The following FSCN2 variants were observed in gnomAD, a reference collection of about 807,000 sequenced individuals.
FSCN2 encodes fascin-2.
In FSCN2, 46 loss-of-function variants were observed where a neutral mutation model predicts 37.8. That is an observed-to-expected ratio of 1.22 (90% CI 0.96 to 1.56). FSCN2 has a LOEUF of 1.56. FSCN2 is among the 40% of genes most tolerant of loss of function. The pLI is 0.00. For synonymous variants in FSCN2, 351 were observed against 309.4 expected (o/e 1.13, Z -1.41); for missense variants, 844 against 730.4 (o/e 1.16, Z -1.79).
At position 81,528,428 on chromosome 17, in the gene FSCN2, G is replaced by C. The variant is rs550145017; in HGVS notation, c.-104G>C. On this transcript the variant is annotated 5_prime_UTR_variant, in exon 1 of 5. Coordinates refer to ENST00000417245, the MANE Select transcript of FSCN2 (RefSeq NM_012418.4). ...TTCGTGACGCCGGCTGGGTCTGGGG[G>C]CTGTGGGCCAGCCGAGCCGACCCGG... The C allele has an allele frequency of 2.4e-6, 2 of 823,192 alleles. No homozygotes were observed. Among genetic ancestry groups the C allele is most frequent in the Non-Finnish European group, 3.8e-6 (2 of 519,846 alleles). 51.0% of individuals were successfully genotyped at this position (823,192 alleles called of 1,614,324 possible).
At chr17:81,536,564 C>T in intron 3 of FSCN2, 58 bp from the exon 4 acceptor site, 2 of 1,596,342 alleles carry the variant, frequency 1.3e-6, no homozygotes, top group Non-Finnish European at 8.5e-7. Context: ...CCCACCCCGC[C>T]CGGCCTGGAC....
intron 3 of FSCN2, 173 bp downstream of exon 3, chr17:81,536,440 G>C: frequency 6.8e-7 from 1 of 1,472,002 alleles, no homozygotes. Flanking sequence ...AGGGAAACAG[G>C]TCTGAATGTC....
chr17:81,530,525 C>G, intron 1 of FSCN2: 1 of 454,470 alleles, frequency 2.2e-6, no homozygotes, highest in Non-Finnish European at 4.3e-6. Context: ...CGGAGGTGGT[C>G]TGAAAAGGCG....
Position 81,536,613 on chromosome 17 carries a change from C to T in FSCN2, c.1106-9C>T, listed in dbSNP as rs1284263379. On this transcript the variant is annotated splice_polypyrimidine_tract_variant and intron_variant, in intron 3 of 4. Coordinates refer to ENST00000417245, the MANE Select transcript of FSCN2 (RefSeq NM_012418.4). ...GGAGGGGCAGCGCAGCAGACGCTCT[C>T]CCCGCCAGGCAAGGACGAAGAGTTC... The T allele has an allele frequency of 6.2e-7, 1 of 1,607,776 alleles. No homozygotes were observed. The highest frequency in any genetic ancestry group is 8.5e-7 in the Non-Finnish European group (1 of 1,179,616).
intron 1 of FSCN2, among the ~76,000 whole-genome samples, chr17:81,531,477 G>GTGA (rs1568077467): frequency 1.6e-5 from 2 of 122,686 alleles, no homozygotes; most frequent in East Asian, 2.8e-4. Context: ...GGTGGTGGTG[G>GTGA]TGATGGTGAT....
chr17:81,533,637 T>A (rs1336201224), intron 1 of FSCN2, among the ~76,000 whole-genome samples: 1 of 152,200 alleles, frequency 6.6e-6, no homozygotes, highest in Non-Finnish European at 1.5e-5. Context: ...AGCAGACACT[T>A]CTTCACACTC....
upstream of FSCN2, among the ~76,000 whole-genome samples, chr17:81,526,759 G>A (rs1230321983): frequency 2.6e-5 from 4 of 152,254 alleles, no homozygotes; most frequent in Non-Finnish European, 5.9e-5. Context: ...GAAACTGTGG[G>A]AGAGTGTGTG....
upstream of FSCN2, among the ~76,000 whole-genome samples, chr17:81,525,411 G>T (rs2032320067): frequency 1.5e-5 from 1 of 65,512 alleles, no homozygotes; most frequent in South Asian, 3.5e-4. Flanking sequence ...GGGCGACAGA[G>T]CAAGACTCTG....
the FSCN2 span, among the ~76,000 whole-genome samples, chr17:81,517,218 G>C: frequency 6.7e-6 from 1 of 149,944 alleles, no homozygotes; most frequent in African/African-American, 2.5e-5. Flanking sequence ...CAGTTTACCT[G>C]AGGCTCCCCA....
chr17:81,528,577 CTCG>C lies in FSCN2; in HGVS notation c.49_51del (p.Val17del). On this transcript the variant is annotated inframe_deletion, in exon 1 of 5. Transcript: ENST00000417245. ...CCAGGTGCTGAAGATCCAGTTTGGC[CTCG>C]TCAACGACACTGACCGCTACCTGAC... The C allele has an allele frequency of 6.2e-7, 1 of 1,608,418 alleles. No individual in the cohort carries two copies. The highest frequency in any genetic ancestry group is 8.5e-7 in the Non-Finnish European group (1 of 1,177,832).
At chr17:81,519,942 A>G in the FSCN2 span, among the ~76,000 whole-genome samples, 14 of 152,168 alleles carry the variant, frequency 9.2e-5, no homozygotes, top group African/African-American at 3.1e-4. Flanking sequence ...CAGAAAAGGA[A>G]AGGAAGGGGC....
intron 4 of FSCN2, 33 bp downstream of exon 4, chr17:81,536,822 G>A (rs749800353): frequency 1.0e-5 from 16 of 1,555,468 alleles, no homozygotes; most frequent in Admixed American, 5.6e-5. Flanking sequence ...ACGCGGGAGC[G>A]GGGGTGGCAG....
At chr17:81,531,678 ATGATGG>A (rs2032618811) in intron 1 of FSCN2, among the ~76,000 whole-genome samples, 1 of 60,340 alleles carries the variant, frequency 1.7e-5, no homozygotes, top group Admixed American at 1.6e-4. Context: ...GATGGTGATG[ATGATGG>A]TGATGATGGT....
chr17:81,529,677 C>T (rs1555670942), intron 1 of FSCN2: 1 of 605,370 alleles, frequency 1.7e-6, no homozygotes. Context: ...AGGTGTGGGC[C>T]AGGCGATGGG....
At chr17:81,534,681 C>T (rs553500846) in intron 1 of FSCN2, among the ~76,000 whole-genome samples, 1 of 151,934 alleles carries the variant, frequency 6.6e-6, no homozygotes, top group East Asian at 1.9e-4. Context: ...TGTGCCCATC[C>T]AGCAGCTTAG....
chr17:81,536,201 G>A lies in FSCN2; in HGVS notation c.1039G>A (p.Ala347Thr), dbSNP rs962265412. ...EWRGRRVALK[A>T]SNGRYVCMKK... Reference sequence around the variant, plus strand: ...GCGTGGCCGGCGGGTAGCACTCAAAGCCAGCAACGGGCGCTACGTGTGCAT... The same window carrying A: ...GCGTGGCCGGCGGGTAGCACTCAAAACCAGCAACGGGCGCTACGTGTGCAT... The change falls in exon 3 of 5, where the codon GCC (alanine) becomes ACC (threonine). Residue 347 changes from alanine (A) to threonine (T), a missense_variant. Physicochemically the swap from Ala to Thr is moderately conservative, Grantham distance 58 (BLOSUM62 0). Coordinates refer to ENST00000417245, the MANE Select transcript of FSCN2 (RefSeq NM_012418.4). 1.2e-6 allele frequency: 2 copies of A among 1,600,588 alleles called. No homozygotes were observed. The highest frequency in any genetic ancestry group is 8.5e-7 in the Non-Finnish European group (1 of 1,173,898).
At chr17:81,536,494 C>A in intron 3 of FSCN2, 128 bp from the exon 4 acceptor site, 1 of 1,534,530 alleles carries the variant, frequency 6.5e-7, no homozygotes, top group African/African-American at 1.4e-5. Flanking sequence ...TTGCCAAGGC[C>A]GCACATGAGG....
At chr17:81,526,171 G>A (rs1444178222), upstream of FSCN2, among the ~76,000 whole-genome samples, 1 of 152,246 alleles carries the variant, frequency 6.6e-6, no homozygotes, top group South Asian at 2.1e-4. Flanking sequence ...TAATGAGGCC[G>A]TCGTGCCAAT....
In FSCN2 at chr17:81,531,501, ATGG is replaced by A. The variant is rs1467251043; in HGVS notation, c.826+2150_826+2152del. Among the ~76,000 whole-genome samples, 61 of 73,780 alleles carry A rather than the reference ATGG, an allele frequency of 8.3e-4. No individual in the cohort carries two copies. The South Asian group carries it at 0.018, about 21-fold the overall frequency. 48.4% of individuals were successfully genotyped at this position (73,780 alleles called of 152,430 possible). A position where few individuals can be genotyped will look rare whatever the true frequency, so the allele number is the denominator to read the frequency against. On this transcript the variant is annotated intron_variant, in intron 1 of 4. Transcript: ENST00000417245. The stretch of plus-strand genomic sequence containing the variant: ...GGTGATGGTGATGATGGTGATGGTG[ATGG>A]TGGTGATGGTGATGGTGGTGATGGC...
Sources: allele counts gnomAD v4.1 joint callset (sites outside exome capture counted in the v4.1 genomes callset), GRCh38; gene constraint gnomAD v4.1.1; transcripts MANE v1.5; gene names NCBI Gene and HGNC (gene_info 2026-07-23, HGNC 2026-07-21).